The following MTUS1 variants were observed in gnomAD, a reference collection of about 807,000 sequenced individuals.
MTUS1 encodes the protein microtubule associated scaffold protein 1, also known as microtubule-associated tumor suppressor 1.
MTUS1 carries 109 observed loss-of-function variants against 120.8 expected under a neutral mutation model. That is an observed-to-expected ratio of 0.90 (90% CI 0.77 to 1.06). MTUS1 has a LOEUF of 1.06. Among genes scored for constraint, MTUS1 ranks in the 50% least tolerant of loss-of-function variants. The pLI is 0.00. For missense variants in MTUS1, 2,210 were observed against 1,486.3 expected (o/e 1.49, Z -8.01); for synonymous variants, 737 against 550.5 (o/e 1.34, Z -4.74).
intron 6 of MTUS1, among the ~76,000 whole-genome samples, chr8:17,690,901 C>G (rs1328646813): frequency 1.3e-5 from 2 of 152,132 alleles, no homozygotes; most frequent in Non-Finnish European, 2.9e-5. Flanking sequence ...TCTAAAATCA[C>G]ACCTGTTGTG....
intron 6 of MTUS1, among the ~76,000 whole-genome samples, chr8:17,694,048 A>G (rs1279498558): frequency 6.6e-6 from 1 of 152,206 alleles, no homozygotes; most frequent in Non-Finnish European, 1.5e-5. Flanking sequence ...GACTTATTAT[A>G]CAAAAGTGTT....
Position 17,755,304 on chromosome 8 carries a change from AACTTT to A in MTUS1, c.499_503del (p.Lys167Ter). On this transcript the variant is annotated frameshift_variant, in exon 2 of 15. Coordinates refer to ENST00000693296, the MANE Select transcript of MTUS1 (RefSeq NM_001363059.2). LOFTEE classifies it high-confidence loss of function. Reference sequence around the variant, plus strand: ...CATGATGTGATATAAAGGTGCAGTTAACTTTATCCACTGTCATGTCAAATGTTTGG... The same window carrying A: ...CATGATGTGATATAAAGGTGCAGTTAATCCACTGTCATGTCAAATGTTTGG... The A allele has an allele frequency of 6.2e-7, 1 of 1,614,222 alleles. No homozygotes were observed. The highest frequency in any genetic ancestry group is 8.5e-7 in the Non-Finnish European group (1 of 1,180,026).
At chr8:17,739,325 C>T (rs1306857777) in intron 3 of MTUS1, among the ~76,000 whole-genome samples, 1 of 151,566 alleles carries the variant, frequency 6.6e-6, no homozygotes, top group Non-Finnish European at 1.5e-5. Flanking sequence ...GAAACCCTAT[C>T]TCTATTAAAA....
chr8:17,765,187 G>A (rs990193782), intron 1 of MTUS1, among the ~76,000 whole-genome samples: 6 of 152,146 alleles, frequency 3.9e-5, no homozygotes, highest in Non-Finnish European at 7.3e-5. Context: ...AGGAGGTGGA[G>A]CTCAGGCACT....
In MTUS1 at chr8:17,743,695, A is replaced by C. The variant is rs2047513089; in HGVS notation, c.2196T>G (p.Pro732=). 1.9e-6 allele frequency: 3 copies of C among 1,614,074 alleles called. No homozygotes were observed. The highest frequency in any genetic ancestry group is 1.7e-6 in the Non-Finnish European group (2 of 1,180,036). ...CACTGTTCCGCCTCAAACAGGAAAC[A>C]GGGGGCCCCACTTTGGCTTTTGGAG... The part of the protein sequence containing the change: ...IAAPKAKVGP[P]VSCLRRNSDN... Residue 732 remains proline, a synonymous_variant, in exon 3 of 15, where the codon CCT becomes CCG. Coordinates refer to ENST00000693296, the MANE Select transcript of MTUS1 (RefSeq NM_001363059.2).
rs543628781 is a variant in MTUS1 at position 17,688,435 on chromosome 8, T to A, written c.2624-3893A>T. Among the ~76,000 whole-genome samples, 5 of 152,376 alleles carry A rather than the reference T, an allele frequency of 3.3e-5. No individual in the cohort carries two copies. In the South Asian group the frequency reaches 8.3e-4, roughly 25 times the overall value. On this transcript the variant is annotated intron_variant, in intron 6 of 14. Transcript: ENST00000693296. ...CTGTAAAAAGGTGACAGTCACTGAC[T>A]GGATGGTAAGTCCTTTCTACAACAT...
chr8:17,656,087 G>C (rs1808164644), intron 8 of MTUS1, 22 bp from the exon 9 acceptor site: 2 of 1,607,504 alleles, frequency 1.2e-6, no homozygotes, highest in South Asian at 1.1e-5. Flanking sequence ...GGAGAAAGAA[G>C]AGGGAAGAGG....
At chr8:17,784,260 T>G (rs967642067) in intron 1 of MTUS1, among the ~76,000 whole-genome samples, 1 of 152,016 alleles carries the variant, frequency 6.6e-6, no homozygotes, top group Non-Finnish European at 1.5e-5. Flanking sequence ...GATGTTTTAG[T>G]TGGCAATCTA....
intron 1 of MTUS1, among the ~76,000 whole-genome samples, chr8:17,779,449 C>G (rs1412277793): frequency 6.6e-6 from 1 of 152,184 alleles, no homozygotes; most frequent in East Asian, 1.9e-4. Flanking sequence ...TATGGGTAAA[C>G]TAAAACCCAT....
chr8:17,761,037 T>G (rs987952715), intron 1 of MTUS1, among the ~76,000 whole-genome samples: 7 of 152,236 alleles, frequency 4.6e-5, no homozygotes, highest in Non-Finnish European at 8.8e-5. Context: ...AGAGAACATT[T>G]TGGACCAGAG....
At chr8:17,769,459 T>G (rs1050636743) in intron 1 of MTUS1, among the ~76,000 whole-genome samples, 57 of 150,960 alleles carry the variant, frequency 3.8e-4, no homozygotes, top group African/African-American at 1.4e-3. Flanking sequence ...GCCATTCTCC[T>G]GCCTCAGCCT....
intron 3 of MTUS1, among the ~76,000 whole-genome samples, chr8:17,728,971 A>G (rs902155150): frequency 1.1e-4 from 16 of 152,240 alleles, no homozygotes; most frequent in African/African-American, 3.1e-4. Flanking sequence ...GGTCCATTTG[A>G]AATATATCAG....
At chr8:17,666,204 A>C (rs140541332) in intron 8 of MTUS1, among the ~76,000 whole-genome samples, 185 of 150,980 alleles carry the variant, frequency 1.2e-3, no homozygotes, top group African/African-American at 4.4e-3. Context: ...ATATCTGACA[A>C]TATGTTCTAA....
chr8:17,667,776 C>T lies in MTUS1; in HGVS notation c.2905+7410G>A, dbSNP rs190470051. Among the ~76,000 whole-genome samples the T allele has an allele frequency of 1.4e-4, 22 of 152,288 alleles. 1 individual carries two copies. The highest frequency in any genetic ancestry group is 1.3e-3 in the Admixed American group (20 of 15,296). On this transcript the variant is annotated intron_variant, in intron 8 of 14. Coordinates refer to ENST00000693296, the MANE Select transcript of MTUS1 (RefSeq NM_001363059.2). ...GGTTCTTATGCAAGCTCTTTGCTTT[C>T]CAGCTTCCCTTGGGAAGTTACTTAA... is the stretch of plus-strand genomic sequence containing the variant.
chr8:17,798,149 C>T (rs555463030), intron 1 of MTUS1, among the ~76,000 whole-genome samples: 4 of 152,212 alleles, frequency 2.6e-5, no homozygotes, highest in East Asian at 3.9e-4. Flanking sequence ...AATAACAGAT[C>T]TGAAAAACAT....
At chr8:17,662,644 G>A (rs894287743) in intron 8 of MTUS1, among the ~76,000 whole-genome samples, 42 of 152,190 alleles carry the variant, frequency 2.8e-4, no homozygotes, top group Admixed American at 5.9e-4. Context: ...GTGAGCCACT[G>A]TGCCTGGCCT....
At chr8:17,652,961 A>T (rs1177356666) in intron 12 of MTUS1, among the ~76,000 whole-genome samples, 2 of 152,108 alleles carry the variant, frequency 1.3e-5, no homozygotes, top group African/African-American at 2.4e-5. Flanking sequence ...TTTAGCTTAG[A>T]CCACCAGAAA....
At chr8:17,705,588 G>A (rs1272363042) in intron 6 of MTUS1, 1 of 152,118 alleles carries the variant, frequency 6.6e-6, no homozygotes, top group African/African-American at 2.4e-5. Flanking sequence ...AGTATAGGGG[G>A]AAAGTTATGT....
intron 3 of MTUS1, among the ~76,000 whole-genome samples, chr8:17,736,761 G>A (rs543895618): frequency 6.6e-6 from 1 of 151,800 alleles, no homozygotes; most frequent in East Asian, 2.0e-4. Flanking sequence ...ATTTTTGTAT[G>A]TTTAGTAGAG....
Sources: gnomAD v4.1 joint callset for allele counts (sites outside exome capture counted in the v4.1 genomes callset) on GRCh38, gnomAD v4.1.1 for gene constraint, MANE v1.5 for transcripts, NCBI Gene and HGNC (gene_info 2026-07-23, HGNC 2026-07-21) for gene names.